Variants in WLS observed in about 807,000 individuals in gnomAD.
WLS encodes the protein protein wntless homolog.
In WLS, 23 loss-of-function variants were observed where a neutral mutation model predicts 62.8. The ratio of observed to expected loss-of-function variants is 0.37; its 90% CI spans 0.26 to 0.52. The LOEUF is 0.52. Among genes scored for constraint, WLS ranks in the 20% least tolerant of loss-of-function variants. The probability of loss-of-function intolerance (pLI) is 0.92; values close to 1 mark genes in which losing one functional copy is unlikely to be tolerated. For missense variants in WLS, 615 were observed against 697.3 expected, an observed-to-expected ratio of 0.88 and a Z score of 1.33; for synonymous variants, 246 against 244.1, an observed-to-expected ratio of 1.01 and a Z score of -0.07.
chr1:68,125,966 C>T lies in WLS; in HGVS notation c.*260G>A. The T allele has an allele frequency of 8.1e-7, 1 of 1,237,036 alleles. No homozygotes were observed. The allele number at this position is 1,237,036 out of a possible 1,614,324, so 76.6% of individuals were successfully genotyped here. ...AGCTGCTACAGATGTTACTATGTCA[C>T]TAATTAACAATGATCACAGAAAATG... is the stretch of plus-strand genomic sequence containing the variant. On this transcript the variant is annotated 3_prime_UTR_variant, in exon 12 of 12. Transcript: ENST00000262348.
chr1:68,110,007 T>TAAAAAAAAAAAAAAA (rs11290966), intron 11 of WLS, among the ~76,000 whole-genome samples: 5 of 28,456 alleles, frequency 1.8e-4, no homozygotes, highest in Admixed American at 4.1e-4. Flanking sequence ...ACACAAAAAG[T>TAAAAAAAAAAAAAAA]AAAAAAAAAA....
At chr1:68,119,294 G>A (rs269351) in intron 11 of WLS, among the ~76,000 whole-genome samples, 2,528 of 152,282 alleles carry the variant, frequency 0.017, 64 homozygotes, top group African/African-American at 0.057. Flanking sequence ...AAAAACTTGT[G>A]TAAGAACATA....
rs1193725161 is a variant in WLS, at chr1:68,232,351, G to A, written c.-52C>T. ...CCTTGAAATAAATGTTTTAGGGTGA[G>A]CTTTTTGCTCCCTCCTCTCACACAC... On this transcript the variant is annotated 5_prime_UTR_variant, in exon 1 of 12. Coordinates refer to ENST00000262348, the MANE Select transcript of WLS (RefSeq NM_024911.7). 3.1e-6 allele frequency: 5 copies of A among 1,589,670 alleles called. No individual in the cohort carries two copies. The highest frequency in any genetic ancestry group is 4.3e-6 in the Non-Finnish European group (5 of 1,167,148).
At chr1:68,214,633 G>A (rs1649658615) in intron 1 of WLS, among the ~76,000 whole-genome samples, 1 of 152,190 alleles carries the variant, frequency 6.6e-6, no homozygotes, top group African/African-American at 2.4e-5. Context: ...ACAGGTGTGA[G>A]CCACCACATC....
At chr1:68,200,465 G>A (rs183096343) in intron 1 of WLS, among the ~76,000 whole-genome samples, 6 of 133,652 alleles carry the variant, frequency 4.5e-5, no homozygotes, top group South Asian at 2.8e-4. Flanking sequence ...TGATTTCAAC[G>A]GATAGAATTA....
At chr1:68,155,672 A>G (rs1225665506) in intron 3 of WLS, among the ~76,000 whole-genome samples, 1 of 152,190 alleles carries the variant, frequency 6.6e-6, no homozygotes, top group Non-Finnish European at 1.5e-5. Context: ...CAGCTTCTTA[A>G]ACGTTCAGGT....
intron 2 of WLS, chr1:68,162,878 C>T (rs75102470): frequency 2.6e-6 from 4 of 1,528,892 alleles, no homozygotes; most frequent in South Asian, 2.2e-5. Context: ...TCGTTAGAAC[C>T]TTCTCGTGGA....
chr1:68,191,979 C>G (rs1464507821), intron 2 of WLS, among the ~76,000 whole-genome samples: 1 of 152,172 alleles, frequency 6.6e-6, no homozygotes, highest in African/African-American at 2.4e-5. Flanking sequence ...CTTTAAGTTT[C>G]CATATCCTCC....
intron 3 of WLS, among the ~76,000 whole-genome samples, chr1:68,155,706 A>G (rs999329472): frequency 6.6e-5 from 10 of 151,944 alleles, no homozygotes; most frequent in Middle Eastern, 3.2e-3. Flanking sequence ...GAATCATTAC[A>G]CTCTTTAATG....
chr1:68,191,683 A>G (rs887026957), intron 2 of WLS, among the ~76,000 whole-genome samples: 6 of 152,214 alleles, frequency 3.9e-5, no homozygotes, highest in African/African-American at 1.4e-4. Flanking sequence ...TGCACAACCA[A>G]TGAGTGAGTG....
downstream of WLS, chr1:68,121,261 C>T (rs1460805253): frequency 6.6e-6 from 1 of 152,156 alleles, no homozygotes; most frequent in African/African-American, 2.4e-5. Context: ...AATGGGAGAA[C>T]TTTCTAGAAA....
At chr1:68,228,183 T>C (rs1650245812) in intron 1 of WLS, 1 of 413,006 alleles carries the variant, frequency 2.4e-6, no homozygotes, top group Non-Finnish European at 4.7e-6. Context: ...AATGATCTTT[T>C]CTAAAGAAAT....
chr1:68,162,697 T>C, intron 2 of WLS: 6 of 1,214,606 alleles, frequency 4.9e-6, no homozygotes, highest in Non-Finnish European at 4.9e-6. Flanking sequence ...CGGTGTCTCT[T>C]CCACGGCTGC....
intron 6 of WLS, 43 bp downstream of exon 6, chr1:68,150,145 A>C (rs977530045): frequency 6.2e-7 from 1 of 1,600,218 alleles, no homozygotes; most frequent in Admixed American, 1.7e-5. Flanking sequence ...CAGCCTGCAC[A>C]GAGCAGCTGG....
chr1:68,193,049 C>T (rs1324117443), intron 2 of WLS, among the ~76,000 whole-genome samples: 17 of 150,816 alleles, frequency 1.1e-4, no homozygotes, highest in Non-Finnish European at 2.4e-4. Flanking sequence ...GCGGAGATTG[C>T]AGTAAGCCGA....
chr1:68,105,803 G>A (rs1244437485), intron 11 of WLS, among the ~76,000 whole-genome samples: 2 of 152,148 alleles, frequency 1.3e-5, no homozygotes, highest in African/African-American at 2.4e-5. Flanking sequence ...TTCTGGGGCT[G>A]CATCCAGGGA....
intron 3 of WLS, among the ~76,000 whole-genome samples, chr1:68,155,531 A>G (rs113892082): frequency 6.6e-6 from 1 of 152,214 alleles, no homozygotes. Context: ...CCTTCCTTCT[A>G]TCTCCTAACA....
chr1:68,195,774 G>A (rs1277294321), intron 1 of WLS, among the ~76,000 whole-genome samples: 3 of 151,898 alleles, frequency 2.0e-5, no homozygotes, highest in African/African-American at 7.2e-5. Context: ...AAATTCAATA[G>A]TCATCTATAT....
chr1:68,127,025 TAAA>T (rs373548601), intron 11 of WLS: 5 of 327,600 alleles, frequency 1.5e-5, no homozygotes, highest in Admixed American at 3.7e-5. Flanking sequence ...ACCCTGACTC[TAAA>T]AAAAAAATTT....
Sources: gnomAD v4.1 joint callset for allele counts (sites outside exome capture counted in the v4.1 genomes callset) on GRCh38, gnomAD v4.1.1 for gene constraint, MANE v1.5 for transcripts, NCBI Gene and HGNC (gene_info 2026-07-23, HGNC 2026-07-21) for gene names.